Variants in MAGI1 observed in about 807,000 individuals in gnomAD.
MAGI1 encodes membrane-associated guanylate kinase, WW and PDZ domain-containing protein 1.
Under a neutral mutation model 139.9 loss-of-function variants are expected in MAGI1, and 58 were observed. The observed-to-expected ratio is 0.41, with a 90% CI of 0.34 to 0.52. The LOEUF (loss-of-function observed/expected upper bound fraction) is 0.52, where lower values mean the gene tolerates loss of function less well. MAGI1 is among the 20% of genes least tolerant of loss of function. MAGI1 has a pLI of 0.12. For synonymous variants in MAGI1, 812 were observed against 737.9 expected, an observed-to-expected ratio of 1.10 and a Z score of -1.63; for missense variants, 1,874 against 1,901.6, an observed-to-expected ratio of 0.99 and a Z score of 0.27.
intron 1 of MAGI1, chr3:65,687,905 C>T (rs1173547139): frequency 6.1e-6 from 4 of 660,694 alleles, no homozygotes; most frequent in African/African-American, 5.4e-5. Flanking sequence ...TGCAGGGTGC[C>T]TTAGCAGCCA....
Position 65,670,828 on chromosome 3 carries a change from G to A in MAGI1, c.314-48740C>T, listed in dbSNP as rs1390706856. On this transcript the variant is annotated intron_variant, in intron 1 of 22. Coordinates refer to ENST00000402939, the MANE Select transcript of MAGI1 (RefSeq NM_001033057.2). ...TAGATATAAACAGAAAAATAGCCAAGGTAAACAGGCACATATACAACCACA... is the reference window on the plus strand; with the variant it reads ...TAGATATAAACAGAAAAATAGCCAAAGTAAACAGGCACATATACAACCACA... Among the ~76,000 whole-genome samples, 4 of 151,858 alleles carry A rather than the reference G, an allele frequency of 2.6e-5. No individual in the cohort carries two copies. In the East Asian group the frequency reaches 5.8e-4, roughly 22 times the overall value.
At chr3:65,773,070 G>T (rs554288066) in intron 1 of MAGI1, among the ~76,000 whole-genome samples, 2 of 152,280 alleles carry the variant, frequency 1.3e-5, no homozygotes, top group East Asian at 1.9e-4. Context: ...AACTCTACCT[G>T]CCTGGCAGGA....
chr3:65,425,946 T>C (rs1157496389), intron 12 of MAGI1, among the ~76,000 whole-genome samples: 2 of 152,134 alleles, frequency 1.3e-5, no homozygotes, highest in African/African-American at 2.4e-5. Flanking sequence ...TCCAAACACT[T>C]CAAAGAAGTC....
intron 1 of MAGI1, among the ~76,000 whole-genome samples, chr3:65,982,477 C>G (rs556557945): frequency 1.3e-5 from 2 of 152,156 alleles, no homozygotes; most frequent in African/African-American, 4.8e-5. Flanking sequence ...TGGGCAACTT[C>G]CATGGTGCAT....
chr3:65,865,308 A>G (rs114483023), intron 1 of MAGI1, among the ~76,000 whole-genome samples: 3,920 of 152,308 alleles, frequency 0.026, 81 homozygotes, highest in Middle Eastern at 0.044. Flanking sequence ...AAACTTCAAA[A>G]AAAAAGCACT....
intron 1 of MAGI1, among the ~76,000 whole-genome samples, chr3:65,668,995 G>T (rs12633297): frequency 0.62 from 93,848 of 151,836 alleles, 30,875 homozygotes; most frequent in East Asian, 0.98. Flanking sequence ...TGCAGTGCAG[G>T]GGCACAATCT....
chr3:65,636,991 G>A lies in MAGI1; in HGVS notation c.314-14903C>T, dbSNP rs561183762. Reference sequence around the variant, plus strand: ...CTTTGCCTAGTGTTTCTCAAAAGGAGTGCCACTGCCATCTTGGGCAGGACA... The same window carrying A: ...CTTTGCCTAGTGTTTCTCAAAAGGAATGCCACTGCCATCTTGGGCAGGACA... On this transcript the variant is annotated intron_variant, in intron 1 of 22. Coordinates refer to ENST00000402939, the MANE Select transcript of MAGI1 (RefSeq NM_001033057.2). Among the ~76,000 whole-genome samples, 6 of 152,312 alleles carry A rather than the reference G, an allele frequency of 3.9e-5. No individual in the cohort carries two copies. The East Asian group carries it at 1.2e-3, about 29-fold the overall frequency.
intron 1 of MAGI1, among the ~76,000 whole-genome samples, chr3:65,686,492 C>T (rs148309567): frequency 1.4e-4 from 22 of 152,164 alleles, no homozygotes; most frequent in South Asian, 6.2e-4. Context: ...AGGTTTTCAC[C>T]GTGTTAGCCA....
At chr3:65,695,121 C>G (rs377571939) in intron 1 of MAGI1, among the ~76,000 whole-genome samples, 19 of 152,308 alleles carry the variant, frequency 1.2e-4, no homozygotes, top group African/African-American at 4.1e-4. Flanking sequence ...GAAATCCATT[C>G]TCTTCTACTC....
rs1014535261 is a variant in MAGI1, at chr3:65,468,423, A to G, written c.959+1860T>C. 9.8e-5 allele frequency among the ~76,000 whole-genome samples: 12 copies of G among 122,394 alleles called. No individual in the cohort carries two copies. The Admixed American group carries it at 1.3e-3, about 13-fold the overall frequency. 80.3% of individuals were successfully genotyped at this position (122,394 alleles called of 152,430 possible). On this transcript the variant is annotated intron_variant, in intron 5 of 22. Coordinates refer to ENST00000402939, the MANE Select transcript of MAGI1 (RefSeq NM_001033057.2). ...AGACAGAGTCTTGCTCTGTTACCCA[A>G]GCTGTGCAGTGGTGCAATCTCGGCT...
intron 1 of MAGI1, among the ~76,000 whole-genome samples, chr3:66,015,153 G>A (rs914542870): frequency 1.5e-5 from 2 of 133,590 alleles, no homozygotes; most frequent in Non-Finnish European, 3.1e-5. Context: ...GACCAGCCTA[G>A]GCAATACAGT....
chr3:65,432,140 T>A (rs1947502659), intron 10 of MAGI1, among the ~76,000 whole-genome samples: 1 of 152,212 alleles, frequency 6.6e-6, no homozygotes, highest in Admixed American at 6.6e-5. Context: ...TTTTGGGTTT[T>A]ACTAGGCACT....
At chr3:65,785,339 C>T (rs181642687) in intron 1 of MAGI1, among the ~76,000 whole-genome samples, 50 of 152,260 alleles carry the variant, frequency 3.3e-4, no homozygotes, top group African/African-American at 1.0e-3. Flanking sequence ...CATTCTTCCC[C>T]CTTTTCTTGG....
At chr3:65,933,915 C>T (rs1056114069) in intron 1 of MAGI1, among the ~76,000 whole-genome samples, 2 of 152,070 alleles carry the variant, frequency 1.3e-5, no homozygotes, top group Non-Finnish European at 2.9e-5. Context: ...TACCTGAGGT[C>T]AGGAGTTCGA....
At chr3:65,393,047 T>C (rs917051601) in intron 13 of MAGI1, among the ~76,000 whole-genome samples, 22 of 152,166 alleles carry the variant, frequency 1.4e-4, no homozygotes, top group African/African-American at 5.3e-4. Context: ...ACAAACACCA[T>C]CATAATCCCA....
At chr3:65,812,264 G>A (rs1266930878) in intron 1 of MAGI1, among the ~76,000 whole-genome samples, 1 of 151,998 alleles carries the variant, frequency 6.6e-6, no homozygotes, top group Non-Finnish European at 1.5e-5. Flanking sequence ...CATAAAGGCT[G>A]GCACAAAGCG....
chr3:65,761,240 C>T (rs1039596233), intron 1 of MAGI1, among the ~76,000 whole-genome samples: 2 of 151,988 alleles, frequency 1.3e-5, no homozygotes, highest in African/African-American at 4.8e-5. Context: ...TCAGACATCC[C>T]AACTTAACAT....
intron 1 of MAGI1, among the ~76,000 whole-genome samples, chr3:65,736,431 C>G (rs1449609609): frequency 6.6e-6 from 1 of 152,166 alleles, no homozygotes; most frequent in Non-Finnish European, 1.5e-5. Context: ...AATTGGCTCA[C>G]ATGACTGGCT....
At chr3:65,976,500 G>A (rs537852160) in intron 1 of MAGI1, among the ~76,000 whole-genome samples, 16 of 152,064 alleles carry the variant, frequency 1.1e-4, no homozygotes, top group South Asian at 8.3e-4. Flanking sequence ...GTGTGGTGGT[G>A]TGCTCCTGTA....
Sources: gnomAD v4.1 joint callset for allele counts (sites outside exome capture counted in the v4.1 genomes callset) on GRCh38, gnomAD v4.1.1 for gene constraint, MANE v1.5 for transcripts, NCBI Gene and HGNC (gene_info 2026-07-23, HGNC 2026-07-21) for gene names.